Variants in MACC1 observed in about 807,000 individuals in gnomAD.
MACC1 encodes the protein metastasis-associated in colon cancer protein 1.
In MACC1, 79 loss-of-function variants were observed where a neutral mutation model predicts 70.7. The observed-to-expected ratio is 1.12, with a 90% CI of 0.93 to 1.35. The LOEUF (loss-of-function observed/expected upper bound fraction) is 1.35. Ranked by LOEUF, MACC1 falls within the 40% of genes most tolerant of loss-of-function variation. MACC1 has a pLI of 0.00. For missense variants in MACC1, 1,106 were observed against 978.1 expected (o/e 1.13, Z -1.74); for synonymous variants, 361 against 347.2 (o/e 1.04, Z -0.44).
chr7:20,195,643 C>T (rs1274902520), intron 1 of MACC1, among the ~76,000 whole-genome samples: 3 of 152,188 alleles, frequency 2.0e-5, no homozygotes, highest in Non-Finnish European at 4.4e-5. Context: ...CACAAGTGTG[C>T]AATCTATGGT....
chr7:20,190,272 C>A (rs569987278), intron 1 of MACC1, among the ~76,000 whole-genome samples: 60 of 152,308 alleles, frequency 3.9e-4, no homozygotes, highest in Admixed American at 1.0e-3. Context: ...CCGTTTCTAT[C>A]TGCTGAATAT....
intron 1 of MACC1, among the ~76,000 whole-genome samples, chr7:20,176,638 A>G (rs919992363): frequency 4.6e-5 from 7 of 152,188 alleles, no homozygotes; most frequent in African/African-American, 1.7e-4. Context: ...TGTTTATAGC[A>G]GCTTAGTATT....
rs1468065587 is a variant in MACC1 at position 20,156,827 on chromosome 7, A to G, written c.2157+1377T>C. Among the ~76,000 whole-genome samples, 5 of 152,284 alleles carry G rather than the reference A, an allele frequency of 3.3e-5. No homozygotes were observed. In the East Asian group the frequency reaches 9.6e-4, roughly 29 times the overall value. ...CACAGATTAAATTTGTTCTCCAAATATTTTCTACTTCTTTTGCATCTTGAT... is the reference window on the plus strand; with the variant it reads ...CACAGATTAAATTTGTTCTCCAAATGTTTTCTACTTCTTTTGCATCTTGAT... On this transcript the variant is annotated intron_variant, in intron 5 of 6. Transcript: ENST00000400331.
At chr7:20,180,058 C>T (rs1162827402) in intron 1 of MACC1, among the ~76,000 whole-genome samples, 3 of 152,094 alleles carry the variant, frequency 2.0e-5, no homozygotes, top group Admixed American at 1.3e-4. Context: ...CAAAATTCTG[C>T]TAAATTTTTT....
chr7:20,200,248 G>A (rs1015071149), intron 1 of MACC1, among the ~76,000 whole-genome samples: 11 of 118,164 alleles, frequency 9.3e-5, no homozygotes, highest in Middle Eastern at 3.9e-3. Context: ...AGATTTAAAA[G>A]ATTAGTAGAT....
intron 6 of MACC1, among the ~76,000 whole-genome samples, chr7:20,144,779 A>T (rs1781862656): frequency 6.6e-6 from 1 of 152,180 alleles, no homozygotes; most frequent in Admixed American, 6.5e-5. Flanking sequence ...TGCTACAGGG[A>T]TGGCAAAACA....
chr7:20,141,914 G>C (rs1322924189), intron 6 of MACC1: 3 of 149,316 alleles, frequency 2.0e-5, no homozygotes, highest in African/African-American at 7.3e-5. Flanking sequence ...GACCAAATAA[G>C]ACAAATTGTA....
chr7:20,142,684 C>CT (rs1781824017), intron 6 of MACC1, among the ~76,000 whole-genome samples: 1 of 152,122 alleles, frequency 6.6e-6, no homozygotes, highest in Non-Finnish European at 1.5e-5. Context: ...GTAATGGAAC[C>CT]TTTTTTGTCA....
At chr7:20,209,030 G>T (rs1021852894) in intron 1 of MACC1, among the ~76,000 whole-genome samples, 1 of 152,242 alleles carries the variant, frequency 6.6e-6, no homozygotes, top group Non-Finnish European at 1.5e-5. Flanking sequence ...CAAGAATTGA[G>T]GTTGGGGTAC....
At chr7:20,174,393 G>T (rs996773312) in intron 1 of MACC1, among the ~76,000 whole-genome samples, 2 of 152,080 alleles carry the variant, frequency 1.3e-5, no homozygotes, top group Admixed American at 1.3e-4. Flanking sequence ...GTATGAGAAA[G>T]AAATTTTAAA....
At chr7:20,183,937 A>T (rs1782548649) in intron 1 of MACC1, among the ~76,000 whole-genome samples, 1 of 152,088 alleles carries the variant, frequency 6.6e-6, no homozygotes, top group African/African-American at 2.4e-5. Context: ...CAAATTCTTG[A>T]ACGCAGGTGA....
At chr7:20,161,080 A>C (rs569517018) in intron 4 of MACC1, among the ~76,000 whole-genome samples, 34 of 152,164 alleles carry the variant, frequency 2.2e-4, no homozygotes, top group Non-Finnish European at 4.0e-4. Context: ...ATCTCACAAC[A>C]TTGAAGCCAT....
intron 1 of MACC1, among the ~76,000 whole-genome samples, chr7:20,205,295 T>G (rs557065724): frequency 1.3e-5 from 2 of 152,190 alleles, no homozygotes; most frequent in African/African-American, 2.4e-5. Context: ...AACATAGAAG[T>G]TGGAAAAAAT....
In MACC1 at chr7:20,137,493, A is replaced by T. The variant is rs1781733995; in HGVS notation, c.*3453T>A. On this transcript the variant is annotated 3_prime_UTR_variant, in exon 7 of 7. Coordinates refer to ENST00000400331, the MANE Select transcript of MACC1 (RefSeq NM_182762.4). ...GGTAGAGGATCTGTGGCTTATACAG[A>T]AAAATTATTATGTTTCAAGCTGGGC... 1 of 152,214 alleles carries T rather than the reference A, an allele frequency of 6.6e-6. No homozygotes were observed. The highest frequency in any genetic ancestry group is 1.5e-5 in the Non-Finnish European group (1 of 68,032). 9.4% of individuals were successfully genotyped at this position (152,214 alleles called of 1,614,324 possible).
rs765505456 is a variant in MACC1, at chr7:20,212,149, G to A, written c.-218+5150C>T. ...TGAAAAGAGAATAGGATTAAGCAGG[G>A]TACTTTTTTATCTTTAATATTTTAT... On this transcript the variant is annotated intron_variant, in intron 1 of 6. Transcript: ENST00000400331. Among the ~76,000 whole-genome samples the A allele has an allele frequency of 9.9e-5, 15 of 152,140 alleles. 1 individual carries two copies. The highest frequency in any genetic ancestry group is 6.2e-4 in the South Asian group (3 of 4,824).
At chr7:20,170,075 T>C (rs1399179803) in intron 2 of MACC1, among the ~76,000 whole-genome samples, 2 of 152,192 alleles carry the variant, frequency 1.3e-5, no homozygotes, top group Non-Finnish European at 2.9e-5. Flanking sequence ...CCATGATTCC[T>C]GCCAAAAGAG....
chr7:20,160,834 T>A (rs2128103012), intron 4 of MACC1, among the ~76,000 whole-genome samples: 1 of 152,234 alleles, frequency 6.6e-6, no homozygotes, highest in East Asian at 1.9e-4. Context: ...GATAATTCTA[T>A]AATTTTGTAT....
intron 6 of MACC1, among the ~76,000 whole-genome samples, chr7:20,145,062 A>G (rs75429227): frequency 0.11 from 17,375 of 152,244 alleles, 1,172 homozygotes; most frequent in Admixed American, 0.2. Flanking sequence ...CCACAACTCC[A>G]GTGACACCAC....
intron 1 of MACC1, among the ~76,000 whole-genome samples, chr7:20,205,836 T>C (rs893856072): frequency 6.6e-6 from 1 of 152,128 alleles, no homozygotes; most frequent in Non-Finnish European, 1.5e-5. Context: ...GCTGCAGAAC[T>C]GTAGCATTCA....
Sources: gnomAD v4.1 joint callset for allele counts (sites outside exome capture counted in the v4.1 genomes callset) on GRCh38, gnomAD v4.1.1 for gene constraint, MANE v1.5 for transcripts, NCBI Gene and HGNC (gene_info 2026-07-23, HGNC 2026-07-21) for gene names.